Variants in PLCE1 observed in about 807,000 individuals in gnomAD.
PLCE1 encodes the protein 1-phosphatidylinositol 4,5-bisphosphate phosphodiesterase epsilon-1.
A neutral mutation model predicts 242.8 loss-of-function variants in PLCE1; 119 were observed. That is an observed-to-expected ratio of 0.49 (90% CI 0.42 to 0.57). The LOEUF is 0.57. Among genes scored for constraint, PLCE1 ranks in the 20% least tolerant of loss-of-function variants. The probability of loss-of-function intolerance (pLI) is 0.00; values close to 1 mark genes in which losing one functional copy is unlikely to be tolerated. For synonymous variants in PLCE1, 945 were observed against 1,017.4 expected (o/e 0.93, Z 1.35); for missense variants, 2,441 against 2,788.8 (o/e 0.88, Z 2.81).
At chr10:94,300,720 G>C (rs2053003531) in intron 24 of PLCE1, among the ~76,000 whole-genome samples, 1 of 152,098 alleles carries the variant, frequency 6.6e-6, no homozygotes, top group African/African-American at 2.4e-5. Context: ...CTTGATTTTT[G>C]GTCAAGATCT....
At chr10:94,250,068 A>G (rs2137582114) in intron 8 of PLCE1, among the ~76,000 whole-genome samples, 1 of 151,638 alleles carries the variant, frequency 6.6e-6, no homozygotes, top group Middle Eastern at 3.4e-3. Flanking sequence ...CTAATCTTCA[A>G]CTTTCACATA....
intron 2 of PLCE1, 72 bp from the exon 3 acceptor site, chr10:94,132,102 A>G: frequency 6.8e-7 from 1 of 1,474,822 alleles, no homozygotes; most frequent in South Asian, 1.2e-5. Flanking sequence ...TCATCTTGGC[A>G]TTTTGTCAAC....
chr10:94,313,301 G>C lies in PLCE1; in HGVS notation c.6051G>C (p.Thr2017=), dbSNP rs768318163. ...AATGTTTGCAGACTCACAGAGTCAC[G>C]GTGCATGGGGTCCCAGGGCCAGAGC... ...ERKCLQTHRV[T]VHGVPGPEPF... The change falls in exon 28 of 33, where the codon ACG becomes ACC. Residue 2017 remains threonine, a synonymous_variant. Coordinates refer to ENST00000371380, the MANE Select transcript of PLCE1 (RefSeq NM_016341.4). 5.1e-5 allele frequency: 82 copies of C among 1,613,950 alleles called. No homozygotes were observed. The highest frequency in any genetic ancestry group is 6.9e-5 in the Non-Finnish European group (82 of 1,179,968).
At chr10:94,292,160 T>A (rs1181900009) in intron 22 of PLCE1, among the ~76,000 whole-genome samples, 2 of 152,218 alleles carry the variant, frequency 1.3e-5, no homozygotes, top group Non-Finnish European at 2.9e-5. Context: ...AGTTTGTGCA[T>A]GTTTGCTATT....
At chr10:94,109,293 A>G (rs1252876073) in intron 2 of PLCE1, 1 of 152,210 alleles carries the variant, frequency 6.6e-6, no homozygotes. Context: ...AATGTTCTGG[A>G]CTTATCTCAA....
intron 31 of PLCE1, 138 bp downstream of exon 31, chr10:94,324,705 T>C: frequency 1.0e-6 from 1 of 1,004,966 alleles, no homozygotes; most frequent in Non-Finnish European, 1.5e-6. Context: ...ATTGTTTGGC[T>C]TTGTTTTCAC....
At chr10:94,138,527 G>A (rs2046855631) in intron 3 of PLCE1, 2 of 478,398 alleles carry the variant, frequency 4.2e-6, no homozygotes, top group South Asian at 1.7e-5. Context: ...GCCTAGTGCT[G>A]TGGTCATACA....
Position 94,032,133 on chromosome 10 carries a change from TAC to T in PLCE1, c.1089_1090del (p.Ile364ArgfsTer88), listed in dbSNP as rs1445391639. ...CCACATTGGGCTGACTGCATGGAGT[TAC>T]ATAGATCAGAAGAGAAATGGTCCCT... is the stretch of plus-strand genomic sequence containing the variant. Reference protein sequence around the residue: ...SGHIGLTAWSYIDQKRNGPLL... With the variant: ...SGHIGLTAWSXIDQKRNGPLL... On this transcript the variant is annotated frameshift_variant, in exon 2 of 33. Transcript: ENST00000371380. LOFTEE classifies it high-confidence loss of function. 7 of 1,609,830 alleles carry T rather than the reference TAC, an allele frequency of 4.3e-6. No individual in the cohort carries two copies. Among genetic ancestry groups the T allele is most frequent in the Non-Finnish European group, 5.9e-6 (7 of 1,178,832 alleles).
chr10:94,017,885 C>A (rs1175999322), intron 1 of PLCE1, among the ~76,000 whole-genome samples: 1 of 152,028 alleles, frequency 6.6e-6, no homozygotes, highest in East Asian at 1.9e-4. Context: ...GGAGGCAGAG[C>A]CTGAAGAAAA....
At chr10:94,016,575 C>T (rs1296334162) in intron 1 of PLCE1, among the ~76,000 whole-genome samples, 3 of 152,024 alleles carry the variant, frequency 2.0e-5, no homozygotes, top group South Asian at 2.1e-4. Context: ...TTCAGATTTG[C>T]GAGTTAGGGA....
At chr10:94,295,486 T>C (rs551616941) in intron 23 of PLCE1, among the ~76,000 whole-genome samples, 2 of 152,298 alleles carry the variant, frequency 1.3e-5, no homozygotes, top group South Asian at 4.1e-4. Context: ...CCACCATATC[T>C]GCAGTTACTC....
At chr10:93,995,353 T>A (rs2060800617) in intron 1 of PLCE1, among the ~76,000 whole-genome samples, 1 of 152,242 alleles carries the variant, frequency 6.6e-6, no homozygotes, top group Admixed American at 6.5e-5. Flanking sequence ...CTAACCATCC[T>A]TCAAACTGTG....
At chr10:94,008,153 C>G (rs2134239519) in intron 1 of PLCE1, among the ~76,000 whole-genome samples, 1 of 139,636 alleles carries the variant, frequency 7.2e-6, no homozygotes, top group African/African-American at 2.8e-5. Flanking sequence ...GATTGTGCCA[C>G]TGCACTCCAG....
chr10:94,086,848 C>T (rs930044074), intron 2 of PLCE1, among the ~76,000 whole-genome samples: 1 of 152,150 alleles, frequency 6.6e-6, no homozygotes, highest in Non-Finnish European at 1.5e-5. Flanking sequence ...TCCCTCAGAT[C>T]CTTCATTTCC....
chr10:94,032,170 G>A lies in PLCE1; in HGVS notation c.1124G>A (p.Cys375Tyr). The change falls in exon 2 of 33, where the codon TGT becomes TAT. Residue 375 changes from cysteine to tyrosine, a missense_variant. By Grantham distance (194) the Cys-to-Tyr change is radical (BLOSUM62 -2). Around this residue, in one of 5 missense-constraint regions of PLCE1, gnomAD observed 733 missense variants for 754.2 expected, o/e 0.97. Transcript: ENST00000371380. ...DQKRNGPLLP[C>Y]GRVMEPPSTV... ...AAGAGAAATGGTCCCTTACTGCCTT[G>A]TGGGAGAGTAATGGAACCCCCGTCA... is the stretch of plus-strand genomic sequence containing the variant. 6.2e-7 allele frequency: 1 copy of A among 1,610,768 alleles called. No homozygotes were observed. The highest frequency in any genetic ancestry group is 1.1e-5 in the South Asian group (1 of 90,112).
intron 2 of PLCE1, chr10:94,099,960 A>T (rs922386350): frequency 2.0e-5 from 3 of 152,182 alleles, no homozygotes; most frequent in Non-Finnish European, 4.4e-5. Flanking sequence ...GAGAACACAC[A>T]TGTGCACCCC....
At position 94,330,572 on chromosome 10, in the gene PLCE1, C is replaced by T. The variant is rs1380489215; in HGVS notation, c.*2629C>T. 2 of 151,862 alleles carry T rather than the reference C, an allele frequency of 1.3e-5. No homozygotes were observed. Among genetic ancestry groups the T allele is most frequent in the African/African-American group, 4.8e-5 (2 of 41,302 alleles). 9.4% of individuals were successfully genotyped at this position (151,862 alleles called of 1,614,324 possible). On this transcript the variant is annotated 3_prime_UTR_variant, in exon 33 of 33. Transcript: ENST00000371380. Reference sequence around the variant, plus strand: ...TTAGTGGTGGTGGGCACCTGTAAATCCCAGCTATTGGGGAGGCTGAGGCAG... The same window carrying T: ...TTAGTGGTGGTGGGCACCTGTAAATTCCAGCTATTGGGGAGGCTGAGGCAG...
chr10:94,043,689 A>G (rs2061819282), intron 2 of PLCE1, among the ~76,000 whole-genome samples: 1 of 152,196 alleles, frequency 6.6e-6, no homozygotes, highest in Non-Finnish European at 1.5e-5. Flanking sequence ...AAATTGTTTA[A>G]TAGCAAATGC....
At position 94,245,762 on chromosome 10, in the gene PLCE1, G is replaced by A. The variant is rs548798455; in HGVS notation, c.2421-184G>A. Among the ~76,000 whole-genome samples the A allele has an allele frequency of 1.5e-4, 23 of 152,320 alleles. 1 individual carries two copies. The South Asian group carries it at 4.6e-3, about 30-fold the overall frequency. ...GCCTCCCAAAGTGCTGGGATTACAG[G>A]CGTAAGCCACCACACCTGGCCTCGG... On this transcript the variant is annotated intron_variant, in intron 7 of 32. Coordinates refer to ENST00000371380, the MANE Select transcript of PLCE1 (RefSeq NM_016341.4).
Sources: allele counts gnomAD v4.1 joint callset (sites outside exome capture counted in the v4.1 genomes callset), GRCh38; gene constraint gnomAD v4.1.1; regional missense constraint gnomAD v4.1.1; transcripts MANE v1.5; gene names NCBI Gene and HGNC (gene_info 2026-07-23, HGNC 2026-07-21).